FHIP1A: variants seen among roughly 807,000 people sequenced by gnomAD.
FHIP1A encodes the protein FHF complex subunit HOOK-interacting protein 1A.
FHIP1A carries 61 observed loss-of-function variants against 88.6 expected under a neutral mutation model. The ratio of observed to expected loss-of-function variants is 0.69; its 90% CI spans 0.56 to 0.85. The LOEUF is 0.85. FHIP1A is among the 40% of genes least tolerant of loss of function. FHIP1A has a pLI of 0.00. For synonymous variants in FHIP1A, 478 were observed against 496.0 expected, an observed-to-expected ratio of 0.96 and a Z score of 0.48; for missense variants, 1,154 against 1,273.5, an observed-to-expected ratio of 0.91 and a Z score of 1.43.
intron 7 of FHIP1A, among the ~76,000 whole-genome samples, chr4:151,617,925 A>T (rs549595198): frequency 1.5e-4 from 23 of 152,296 alleles, no homozygotes; most frequent in African/African-American, 5.3e-4. Flanking sequence ...AGGTCTCAAT[A>T]CAAGCACTGC....
chr4:151,667,848 C>T lies in FHIP1A; in HGVS notation c.*5094C>T, dbSNP rs9683731. Among the ~76,000 whole-genome samples, 5,219 of 152,222 alleles carry T rather than the reference C, an allele frequency of 0.034. 292 individuals are homozygous for T. The highest frequency in any genetic ancestry group is 0.12 in the African/African-American group (4,898 of 41,498). The stretch of plus-strand genomic sequence containing the variant: ...TTCGACATGCATTCCAGGCATCTTT[C>T]GGGGAGTTTAGATTTACTGTGTCAT... On this transcript the variant is annotated 3_prime_UTR_variant, in exon 14 of 14. Coordinates refer to ENST00000435205, the MANE Select transcript of FHIP1A (RefSeq NM_001109977.3).
intron 13 of FHIP1A, among the ~76,000 whole-genome samples, chr4:151,659,297 T>G (rs1016946776): frequency 1.3e-5 from 2 of 152,174 alleles, no homozygotes; most frequent in African/African-American, 2.4e-5. Flanking sequence ...TAAAGCATCT[T>G]TAACTGACAG....
intron 8 of FHIP1A, among the ~76,000 whole-genome samples, chr4:151,630,253 A>C (rs1277765642): frequency 2.1e-4 from 32 of 152,182 alleles, no homozygotes; most frequent in Non-Finnish European, 1.5e-5. Flanking sequence ...TGGGTGTTAG[A>C]GATCATATTC....
At chr4:151,413,417 A>G (rs1466921065) in intron 1 of FHIP1A, among the ~76,000 whole-genome samples, 5 of 152,166 alleles carry the variant, frequency 3.3e-5, no homozygotes, top group Non-Finnish European at 7.3e-5. Context: ...ATAATATTAG[A>G]TAATATTTTA....
intron 5 of FHIP1A, 28 bp downstream of exon 5, chr4:151,578,104 C>T: frequency 6.5e-7 from 1 of 1,531,082 alleles, no homozygotes; most frequent in South Asian, 1.2e-5. Flanking sequence ...GCATGTTTTC[C>T]ACTCACTCCC....
rs757059748 is a variant in FHIP1A, at chr4:151,649,882, C to T, written c.1841C>T (p.Pro614Leu). The T allele has an allele frequency of 4.5e-6, 7 of 1,551,440 alleles. No individual in the cohort carries two copies. In the African/African-American group the frequency reaches 6.9e-5, roughly 15 times the overall value. Residue 614 changes from proline to leucine, a missense_variant, in exon 11 of 14, where the codon CCC (proline) becomes CTC (leucine). Coordinates refer to ENST00000435205, the MANE Select transcript of FHIP1A (RefSeq NM_001109977.3). The stretch of plus-strand genomic sequence containing the variant: ...GGCCCCCCAGCACCCATTGATCCCC[C>T]CAAACACATCCAGGAGATGAAGAAG... ...VSGPPAPIDP[P>L]KHIQEMKKNA...
At chr4:151,447,279 G>A (rs1728642512) in intron 1 of FHIP1A, among the ~76,000 whole-genome samples, 1 of 152,138 alleles carries the variant, frequency 6.6e-6, no homozygotes, top group Admixed American at 6.6e-5. Context: ...TTAATTCAAG[G>A]TATTGATGTA....
chr4:151,489,828 G>A (rs1243179882), intron 3 of FHIP1A, among the ~76,000 whole-genome samples: 2 of 152,050 alleles, frequency 1.3e-5, no homozygotes, highest in Non-Finnish European at 2.9e-5. Context: ...CCCAAGGAGA[G>A]TCTGAGTTCA....
rs115350196 is a variant in FHIP1A, at chr4:151,539,736, A to C, written c.-122-26402A>C. On this transcript the variant is annotated intron_variant, in intron 3 of 13. Transcript: ENST00000435205. ...TTCCCATGTGTGCTCAAGGTTCCAA[A>C]CATTTCCTCCCACTGCTGAGTTGTG... is the stretch of plus-strand genomic sequence containing the variant. Among the ~76,000 whole-genome samples, 856 of 152,180 alleles carry C rather than the reference A, an allele frequency of 5.6e-3. 11 individuals carry two copies. The highest frequency in any genetic ancestry group is 0.019 in the African/African-American group (799 of 41,514).
At chr4:151,584,016 A>AT (rs1187539944) in intron 5 of FHIP1A, among the ~76,000 whole-genome samples, 8 of 151,976 alleles carry the variant, frequency 5.3e-5, no homozygotes, top group Admixed American at 1.3e-4. Flanking sequence ...AGTGTTTGGT[A>AT]TTTTTTTTAA....
chr4:151,544,570 A>G (rs1732414168), intron 3 of FHIP1A, among the ~76,000 whole-genome samples: 1 of 152,140 alleles, frequency 6.6e-6, no homozygotes, highest in Non-Finnish European at 1.5e-5. Flanking sequence ...GACCTGAAAT[A>G]TGGCCTGTCC....
At chr4:151,506,747 A>G (rs886161959) in intron 3 of FHIP1A, among the ~76,000 whole-genome samples, 9 of 152,192 alleles carry the variant, frequency 5.9e-5, no homozygotes, top group Non-Finnish European at 1.5e-5. Flanking sequence ...CGCATCTCCA[A>G]TATTGGGAAT....
chr4:151,531,341 G>C (rs1464853216), intron 3 of FHIP1A, among the ~76,000 whole-genome samples: 2 of 151,940 alleles, frequency 1.3e-5, no homozygotes, highest in African/African-American at 2.4e-5. Flanking sequence ...GGTTCCAATT[G>C]TTGAGGTGGA....
chr4:151,476,790 T>G (rs1365887423), intron 2 of FHIP1A, among the ~76,000 whole-genome samples: 2 of 152,200 alleles, frequency 1.3e-5, no homozygotes, highest in Non-Finnish European at 2.9e-5. Flanking sequence ...TGATAATCTA[T>G]AAATGTGCCT....
chr4:151,544,149 C>T (rs1054395927), intron 3 of FHIP1A, among the ~76,000 whole-genome samples: 6 of 152,078 alleles, frequency 3.9e-5, no homozygotes, highest in South Asian at 2.1e-4. Flanking sequence ...CTGGAGGACA[C>T]GGGACAAAAT....
chr4:151,546,142 A>G (rs1228857413), intron 3 of FHIP1A, among the ~76,000 whole-genome samples: 1 of 151,800 alleles, frequency 6.6e-6, no homozygotes, highest in East Asian at 1.9e-4. Context: ...AGAAAAGGTG[A>G]TTTCCTCTCT....
chr4:151,485,282 G>GTTTTTTTTTTTTTTTTTTTTTTTTTT (rs74327398), intron 3 of FHIP1A, among the ~76,000 whole-genome samples: 4 of 118,728 alleles, frequency 3.4e-5, no homozygotes, highest in African/African-American at 1.0e-4. Flanking sequence ...ATCTTTTCCA[G>GTTTTTTTTTTTTTTTTTTTTTTTTTT]TTTTTTTTTT....
At chr4:151,632,763 AAAT>A (rs1197334139) in intron 8 of FHIP1A, among the ~76,000 whole-genome samples, 1 of 152,084 alleles carries the variant, frequency 6.6e-6, no homozygotes, top group Non-Finnish European at 1.5e-5. Context: ...GGAATTTAGA[AAAT>A]ATCTGGAGAC....
intron 9 of FHIP1A, among the ~76,000 whole-genome samples, chr4:151,642,455 AAACAAC>A (rs201679670): frequency 0.035 from 5,256 of 151,796 alleles, 289 homozygotes; most frequent in African/African-American, 0.12. Flanking sequence ...GAGGAAAGGA[AAACAAC>A]AACAACAACA....
Sources: allele counts gnomAD v4.1 joint callset (sites outside exome capture counted in the v4.1 genomes callset), GRCh38; gene constraint gnomAD v4.1.1; transcripts MANE v1.5; gene names NCBI Gene and HGNC (gene_info 2026-07-23, HGNC 2026-07-21).